Variants in KNDC1 observed in about 807,000 individuals in gnomAD.
KNDC1 encodes kinase non-catalytic C-lobe domain-containing protein 1.
Under a neutral mutation model 172.8 loss-of-function variants are expected in KNDC1, and 106 were observed. The observed-to-expected ratio is 0.61, with a 90% confidence interval of 0.52 to 0.72. KNDC1 has a LOEUF of 0.72. Among genes scored for constraint, KNDC1 ranks in the 30% least tolerant of loss-of-function variants. KNDC1 has a pLI of 0.00. For synonymous variants in KNDC1, 1,083 were observed against 1,062.2 expected (o/e 1.02, Z -0.38); for missense variants, 2,325 against 2,394.5 (o/e 0.97, Z 0.61).
chr10:133,197,550 T>C (rs1854228756), intron 11 of KNDC1, 125 bp from the exon 12 acceptor site: 1 of 766,296 alleles, frequency 1.3e-6, no homozygotes, highest in Non-Finnish European at 2.2e-6. Context: ...GTGGCCGCCA[T>C]GCCCGGCTCC....
At position 133,213,734 on chromosome 10, in the gene KNDC1, G is replaced by A. The variant is rs774750737; in HGVS notation, c.4526+7G>A. 41 of 1,613,356 alleles carry A rather than the reference G, an allele frequency of 2.5e-5. No homozygotes were observed. Among genetic ancestry groups the A allele is most frequent in the Middle Eastern group, 1.6e-4 (1 of 6,080 alleles). ...AGAGCACTGCCATCCCCAAGTGAGCGTCCGGGACCCTCAGCTGGGAGCGGT... is the reference window on the plus strand; with the variant it reads ...AGAGCACTGCCATCCCCAAGTGAGCATCCGGGACCCTCAGCTGGGAGCGGT... On this transcript the variant is annotated splice_region_variant and intron_variant, in intron 25 of 29. Coordinates refer to ENST00000304613, the MANE Select transcript of KNDC1 (RefSeq NM_152643.8).
rs142076633 is a variant in KNDC1 at position 133,201,936 on chromosome 10, G to C, written c.3387+38G>C. ...CCTTGGCACTGCCGGGTGGGGCAGG[G>C]CGTCTCCTTCCAGCAGAGCTTCCTG... On this transcript the variant is annotated intron_variant, in intron 17 of 29. Coordinates refer to ENST00000304613, the MANE Select transcript of KNDC1 (RefSeq NM_152643.8). The C allele has an allele frequency of 6.8e-4, 1,034 of 1,523,436 alleles. 5 individuals carry two copies. The Middle Eastern group carries it at 0.02, about 29-fold the overall frequency. The allele number at this position is 1,523,436 out of a possible 1,614,324, so 94.4% of individuals were successfully genotyped here. A position where few individuals can be genotyped will look rare whatever the true frequency, so the allele number is the denominator to read the frequency against.
chr10:133,213,166 T>C (rs1200990776), intron 24 of KNDC1, among the ~76,000 whole-genome samples: 1 of 152,204 alleles, frequency 6.6e-6, no homozygotes, highest in Non-Finnish European at 1.5e-5. Context: ...GGCCTGGCCC[T>C]GCCTCTGCCC....
At chr10:133,200,041 C>G (rs1854316139) in intron 15 of KNDC1, among the ~76,000 whole-genome samples, 1 of 152,090 alleles carries the variant, frequency 6.6e-6, no homozygotes, top group African/African-American at 2.4e-5. Context: ...CATTGCCTTG[C>G]TCACAGCTCC....
intron 1 of KNDC1, among the ~76,000 whole-genome samples, chr10:133,166,139 G>A (rs938474902): frequency 6.6e-6 from 1 of 152,204 alleles, no homozygotes; most frequent in African/African-American, 2.4e-5. Context: ...AGGGGGACCG[G>A]AGGCAGGAGG....
chr10:133,201,413 CA>C, intron 16 of KNDC1, 87 bp from the exon 17 acceptor site: 1 of 1,394,980 alleles, frequency 7.2e-7, no homozygotes. Flanking sequence ...GTCGGGTGTG[CA>C]AGCACCACCG....
intron 26 of KNDC1, among the ~76,000 whole-genome samples, chr10:133,215,260 G>C (rs1845449263): frequency 6.6e-6 from 1 of 152,188 alleles, no homozygotes; most frequent in East Asian, 1.9e-4. Flanking sequence ...TGAAGGCTCT[G>C]GGGGAACCAG....
intron 1 of KNDC1, among the ~76,000 whole-genome samples, chr10:133,162,650 C>G (rs1196550217): frequency 6.6e-6 from 1 of 152,246 alleles, no homozygotes; most frequent in African/African-American, 2.4e-5. Context: ...AAATACACCC[C>G]CACGAATGCC....
chr10:133,179,719 C>T (rs1305365995), intron 3 of KNDC1, among the ~76,000 whole-genome samples: 3 of 152,230 alleles, frequency 2.0e-5, no homozygotes, highest in Non-Finnish European at 2.9e-5. Context: ...ACCGGGATGC[C>T]CATCGCGATC....
At chr10:133,222,230 C>G (rs565108889) in intron 29 of KNDC1, among the ~76,000 whole-genome samples, 2 of 143,038 alleles carry the variant, frequency 1.4e-5, no homozygotes, top group Non-Finnish European at 3.1e-5. Flanking sequence ...TTCCAGTGAG[C>G]CGAGATCGCG....
At position 133,198,842 on chromosome 10, in the gene KNDC1, C is replaced by G. The variant is rs778788705; in HGVS notation, c.2334C>G (p.Pro778=). The G allele has an allele frequency of 1.3e-6, 2 of 1,599,434 alleles. No homozygotes were observed. The highest frequency in any genetic ancestry group is 1.7e-6 in the Non-Finnish European group (2 of 1,175,468). The part of the protein sequence containing the change: ...NQPEGASSAA[P]GSPVPAPPTK... ...CAGAGGGGGCCTCATCGGCAGCTCC[C>G]GGCTCTCCAGTCCCCGCCCCGCCCA... is the stretch of plus-strand genomic sequence containing the variant. The change falls in exon 14 of 30, where the codon CCC becomes CCG. Residue 778 remains proline, a synonymous_variant. Coordinates refer to ENST00000304613, the MANE Select transcript of KNDC1 (RefSeq NM_152643.8).
intron 24 of KNDC1, 47 bp downstream of exon 24, chr10:133,212,969 C>T (rs565530429): frequency 6.5e-7 from 1 of 1,533,832 alleles, no homozygotes; most frequent in African/African-American, 1.4e-5. Context: ...GAGTCGGGGC[C>T]CCAGAAACAC....
At chr10:133,186,801 A>G in intron 6 of KNDC1, 127 bp downstream of exon 6, 2 of 703,640 alleles carry the variant, frequency 2.8e-6, no homozygotes, top group Non-Finnish European at 4.5e-6. Flanking sequence ...CTCCATAATT[A>G]AAGACATTTT....
intron 3 of KNDC1, among the ~76,000 whole-genome samples, chr10:133,178,393 A>G (rs1291804545): frequency 2.0e-5 from 3 of 152,198 alleles, no homozygotes; most frequent in African/African-American, 7.2e-5. Context: ...AAAAGAGAGT[A>G]AGAACAGCAT....
chr10:133,222,263 A>G lies in KNDC1; in HGVS notation c.5018+2151A>G, dbSNP rs546398355. On this transcript the variant is annotated intron_variant, in intron 29 of 29. Coordinates refer to ENST00000304613, the MANE Select transcript of KNDC1 (RefSeq NM_152643.8). ...GCGCCACCGCACTCCAGCCTGGGCG[A>G]TAGAGCGAGACTCCGTCTCAAAAAA... is the stretch of plus-strand genomic sequence containing the variant. 6.1e-3 allele frequency among the ~76,000 whole-genome samples: 868 copies of G among 142,362 alleles called. 9 individuals are homozygous for G. Among genetic ancestry groups the G allele is most frequent in the African/African-American group, 0.021 (831 of 39,806 alleles). The allele number at this position is 142,362 out of a possible 152,430, so 93.4% of individuals were successfully genotyped here. A position where few individuals can be genotyped will look rare whatever the true frequency, so the allele number is the denominator to read the frequency against.
chr10:133,189,736 C>A lies in KNDC1; in HGVS notation c.1514-16C>A, dbSNP rs765902245. 6.2e-7 allele frequency: 1 copy of A among 1,613,910 alleles called. No homozygotes were observed. Among genetic ancestry groups the A allele is most frequent in the African/African-American group, 1.3e-5 (1 of 74,924 alleles). On this transcript the variant is annotated splice_polypyrimidine_tract_variant and intron_variant, in intron 8 of 29. Transcript: ENST00000304613. ...TCGCCAGGGGTGAGGAAAGCTCAGT[C>A]GGGTTTCTCTCTTAGGTTCCTATGA...
chr10:133,214,510 T>C (rs2136026584), intron 26 of KNDC1, among the ~76,000 whole-genome samples: 1 of 152,192 alleles, frequency 6.6e-6, no homozygotes, highest in South Asian at 2.1e-4. Context: ...CCCCCACCTG[T>C]GCTCACCACA....
At chr10:133,167,301 C>T (rs1035684419) in intron 1 of KNDC1, 80 bp from the exon 2 acceptor site, 2 of 1,390,574 alleles carry the variant, frequency 1.4e-6, no homozygotes, top group African/African-American at 2.9e-5. Context: ...CGTCCGTTTC[C>T]CCAGGGAATC....
chr10:133,199,053 G>C lies in KNDC1; in HGVS notation c.2545G>C (p.Ala849Pro). 6.3e-6 allele frequency: 10 copies of C among 1,595,716 alleles called. No homozygotes were observed. The highest frequency in any genetic ancestry group is 8.5e-6 in the Non-Finnish European group (10 of 1,172,386). ...GGGCCAGGAGCCAGAGGGCCCCGGG[G>C]CCACCCCTGCCGGGGAACGTGATGA... Reference protein sequence around the residue: ...RPGQEPEGPGATPAGERDDQS... With the variant: ...RPGQEPEGPGPTPAGERDDQS... The change falls in exon 14 of 30, where the codon GCC (alanine) becomes CCC (proline). Residue 849 changes from alanine (A) to proline (P), a missense_variant. Ala to Pro is a conservative substitution (Grantham distance 27). Transcript: ENST00000304613.
Sources: gnomAD v4.1 joint callset for allele counts (sites outside exome capture counted in the v4.1 genomes callset) on GRCh38, gnomAD v4.1.1 for gene constraint, MANE v1.5 for transcripts, NCBI Gene and HGNC (gene_info 2026-07-23, HGNC 2026-07-21) for gene names.